The following HPCAL1 variants were observed in gnomAD, a reference collection of about 807,000 sequenced individuals.
The protein encoded by HPCAL1 is hippocalcin like 1, also known as hippocalcin-like protein 1.
A neutral mutation model predicts 17.1 loss-of-function variants in HPCAL1; 8 were observed. The observed-to-expected ratio is 0.47, with a 90% confidence interval of 0.27 to 0.84. HPCAL1 has a LOEUF of 0.84. HPCAL1 is among the 40% of genes least tolerant of loss of function. The probability of loss-of-function intolerance (pLI) is 0.13; values close to 1 mark genes in which losing one functional copy is unlikely to be tolerated. For synonymous variants in HPCAL1, 112 were observed against 111.4 expected, an observed-to-expected ratio of 1.01 and a Z score of -0.03; for missense variants, 165 against 271.1, an observed-to-expected ratio of 0.61 and a Z score of 2.75.
In HPCAL1 at chr2:10,384,595, G is replaced by A. The variant is rs1406952310; in HGVS notation, c.-110-12240G>A. Among the ~76,000 whole-genome samples, 2 of 131,808 alleles carry A rather than the reference G, an allele frequency of 1.5e-5. No homozygotes were observed. The highest frequency in any genetic ancestry group is 7.3e-5 in the Admixed American group (1 of 13,760). The allele number at this position is 131,808 out of a possible 152,430, so 86.5% of individuals were successfully genotyped here. A position where few individuals can be genotyped will look rare whatever the true frequency, so the allele number is the denominator to read the frequency against. Reference sequence around the variant, plus strand: ...TCGGTGGCAGAGTGGATGAAGGGGAGGTGCTCAGTGCTATGAAAGCCAGCA... The same window carrying A: ...TCGGTGGCAGAGTGGATGAAGGGGAAGTGCTCAGTGCTATGAAAGCCAGCA... On this transcript the variant is annotated intron_variant, in intron 1 of 4. Coordinates refer to ENST00000307845, the MANE Select transcript of HPCAL1 (RefSeq NM_002149.4). This position sits in a 1 kb window ranked among gnomAD's most constrained non-coding sequence, Gnocchi z 4.4.
chr2:10,397,046 C>G (rs1669092492), intron 2 of HPCAL1, 126 bp downstream of exon 2: 1 of 152,274 alleles, frequency 6.6e-6, no homozygotes, highest in Admixed American at 6.5e-5. Context: ...GCAGAAAGAG[C>G]AGGGAAGACT....
Position 10,360,140 on chromosome 2 carries a change from C to T in HPCAL1, c.-110-36695C>T, listed in dbSNP as rs565973153. Among the ~76,000 whole-genome samples, 9 of 152,234 alleles carry T rather than the reference C, an allele frequency of 5.9e-5. No individual in the cohort carries two copies. In the South Asian group the frequency reaches 1.0e-3, roughly 18 times the overall value. ...CTCATTCCCCCTGGGTAGAGCGTGT[C>T]GGGTGACTCTGCTGCGGTCTCCAGG... On this transcript the variant is annotated intron_variant, in intron 1 of 4. Transcript: ENST00000307845.
rs1323263549 is a variant in HPCAL1 at position 10,310,108 on chromosome 2, G to A, written c.-111+6931G>A. On this transcript the variant is annotated intron_variant, in intron 1 of 4. Coordinates refer to ENST00000307845, the MANE Select transcript of HPCAL1 (RefSeq NM_002149.4). This position sits in a 1 kb window ranked among gnomAD's most constrained non-coding sequence, Gnocchi z 4.5. Reference sequence around the variant, plus strand: ...CAGGTGCAGAAAGGGGTTTTAGGCTGAGCTCAGATATTGACAGGAACTACA... The same window carrying A: ...CAGGTGCAGAAAGGGGTTTTAGGCTAAGCTCAGATATTGACAGGAACTACA... Among the ~76,000 whole-genome samples the A allele has an allele frequency of 6.6e-6, 1 of 152,124 alleles. No individual in the cohort carries two copies. The highest frequency in any genetic ancestry group is 1.5e-5 in the Non-Finnish European group (1 of 68,018).
intron 1 of HPCAL1, among the ~76,000 whole-genome samples, chr2:10,319,121 C>G (rs535955191): frequency 6.6e-6 from 1 of 152,354 alleles, no homozygotes; most frequent in East Asian, 1.9e-4. Context: ...TTTCCAAATT[C>G]ACCTCCTGCT....
At chr2:10,423,269 G>C (rs1671184659) in intron 4 of HPCAL1, 181 bp downstream of exon 4, 13 of 616,962 alleles carry the variant, frequency 2.1e-5, no homozygotes, top group Non-Finnish European at 3.6e-5. Context: ...CACCCGTGCT[G>C]TATCCTGGCT....
In HPCAL1 at chr2:10,304,219, T is replaced by A. The variant is rs1662465981; in HGVS notation, c.-111+1042T>A. On this transcript the variant is annotated intron_variant, in intron 1 of 4. Transcript: ENST00000307845. The surrounding 1 kb of genome is among the most constrained non-coding windows in gnomAD (Gnocchi z 4.1). ...CCAGGCTCCCGCGCAAGCGTGGGGG[T>A]CCCTCTCCTGGCCGGGAGGCAGCGA... Among the ~76,000 whole-genome samples the A allele has an allele frequency of 6.6e-6, 1 of 151,198 alleles. No homozygotes were observed. The highest frequency in any genetic ancestry group is 1.5e-5 in the Non-Finnish European group (1 of 67,824).
At chr2:10,334,460 G>A (rs1664587781) in intron 1 of HPCAL1, among the ~76,000 whole-genome samples, 1 of 151,986 alleles carries the variant, frequency 6.6e-6, no homozygotes, top group African/African-American at 2.4e-5. Flanking sequence ...GTGAGCTGTG[G>A]TCACACCACT....
chr2:10,309,428 C>T (rs550886131), intron 1 of HPCAL1, among the ~76,000 whole-genome samples: 5 of 152,358 alleles, frequency 3.3e-5, no homozygotes, highest in East Asian at 3.9e-4. Flanking sequence ...AAGAATTAAA[C>T]GAGGTCACTT....
intron 2 of HPCAL1, among the ~76,000 whole-genome samples, chr2:10,417,004 G>A (rs549487502): frequency 6.6e-6 from 1 of 152,326 alleles, no homozygotes; most frequent in Non-Finnish European, 1.5e-5. Flanking sequence ...CTGGCCTCCT[G>A]TGGCTGCATA....
rs1258469260 is a variant in HPCAL1, at chr2:10,304,420, T to G, written c.-111+1243T>G. ...CCCTTTCCTCCTGGCTGACCCCAAT[T>G]CCACCAGAGGAGGATGTTTGCCAGG... On this transcript the variant is annotated intron_variant, in intron 1 of 4. Transcript: ENST00000307845. This position sits in a 1 kb window ranked among gnomAD's most constrained non-coding sequence, Gnocchi z 4.1. Among the ~76,000 whole-genome samples, 4 of 115,180 alleles carry G rather than the reference T, an allele frequency of 3.5e-5. No individual in the cohort carries two copies. Among genetic ancestry groups the G allele is most frequent in the Admixed American group, 9.1e-5 (1 of 11,040 alleles). The allele number at this position is 115,180 out of a possible 152,430, so 75.6% of individuals were successfully genotyped here. A position where few individuals can be genotyped will look rare whatever the true frequency, so the allele number is the denominator to read the frequency against.
chr2:10,317,419 T>G (rs1446860012), intron 1 of HPCAL1, among the ~76,000 whole-genome samples: 1 of 9,726 alleles, frequency 1.0e-4, no homozygotes, highest in Non-Finnish European at 2.2e-4. Flanking sequence ...ATTCAACAAT[T>G]TTTTTTTTTT....
rs1251593846 is a variant in HPCAL1 at position 10,344,060 on chromosome 2, A to G, written c.-111+40883A>G. The stretch of plus-strand genomic sequence containing the variant: ...TGGGTTACTGAGCTGTCGAAGGAGC[A>G]GGGATGAAGACTCCCTTATTAAAAA... On this transcript the variant is annotated intron_variant, in intron 1 of 4. Coordinates refer to ENST00000307845, the MANE Select transcript of HPCAL1 (RefSeq NM_002149.4). The surrounding 1 kb of genome is among the most constrained non-coding windows in gnomAD (Gnocchi z 4.9). Among the ~76,000 whole-genome samples the G allele has an allele frequency of 6.6e-6, 1 of 152,226 alleles. No homozygotes were observed. Among genetic ancestry groups the G allele is most frequent in the Non-Finnish European group, 1.5e-5 (1 of 68,046 alleles).
At position 10,371,040 on chromosome 2, in the gene HPCAL1, G is replaced by A. The variant is rs553668026; in HGVS notation, c.-110-25795G>A. ...CAGCAAACAGAGGAGGCACCTCCAG[G>A]CTGCAGGGTCCAGTGACCTGGCATG... On this transcript the variant is annotated intron_variant, in intron 1 of 4. Transcript: ENST00000307845. Among the ~76,000 whole-genome samples, 64 of 152,316 alleles carry A rather than the reference G, an allele frequency of 4.2e-4. 1 individual carries two copies. Among genetic ancestry groups the A allele is most frequent in the South Asian group, 2.9e-3 (14 of 4,832 alleles).
intron 1 of HPCAL1, among the ~76,000 whole-genome samples, chr2:10,393,345 A>G (rs1388852227): frequency 1.3e-5 from 2 of 152,188 alleles, no homozygotes; most frequent in Non-Finnish European, 2.9e-5. Context: ...CTGAGCGCCA[A>G]TTCCTTCAAG....
chr2:10,322,878 T>C (rs1226250744), intron 1 of HPCAL1, among the ~76,000 whole-genome samples: 1 of 152,244 alleles, frequency 6.6e-6, no homozygotes, highest in Non-Finnish European at 1.5e-5. Flanking sequence ...TCACGTTTTA[T>C]GTTGTTTGCA....
Position 10,395,697 on chromosome 2 carries a change from T to A in HPCAL1, c.-110-1138T>A, listed in dbSNP as rs1294176567. ...GTAGATGCGGAAGAGAAACGGGCCG[T>A]CAGGTGAAGTGACTGTCAGGATTCC... On this transcript the variant is annotated intron_variant, in intron 1 of 4. Coordinates refer to ENST00000307845, the MANE Select transcript of HPCAL1 (RefSeq NM_002149.4). The surrounding 1 kb of genome is among the most constrained non-coding windows in gnomAD (Gnocchi z 4.4). Among the ~76,000 whole-genome samples, 1 of 152,052 alleles carries A rather than the reference T, an allele frequency of 6.6e-6. No homozygotes were observed. Among genetic ancestry groups the A allele is most frequent in the Non-Finnish European group, 1.5e-5 (1 of 67,992 alleles).
chr2:10,322,294 A>G (rs1663716642), intron 1 of HPCAL1, among the ~76,000 whole-genome samples: 1 of 152,140 alleles, frequency 6.6e-6, no homozygotes, highest in Admixed American at 6.5e-5. Flanking sequence ...AAGTGCTGGG[A>G]TTAGAGGCAT....
Position 10,394,648 on chromosome 2 carries a change from T to C in HPCAL1, c.-110-2187T>C, listed in dbSNP as rs1005086264. 2.0e-5 allele frequency among the ~76,000 whole-genome samples: 3 copies of C among 152,156 alleles called. No homozygotes were observed. The highest frequency in any genetic ancestry group is 4.8e-5 in the African/African-American group (2 of 41,440). ...GAGCTGCGGACCTGGGGGGTGATGATGGTCAGTGCAGGTCCCTCAGTTGTA... is the reference window on the plus strand; with the variant it reads ...GAGCTGCGGACCTGGGGGGTGATGACGGTCAGTGCAGGTCCCTCAGTTGTA... On this transcript the variant is annotated intron_variant, in intron 1 of 4. Transcript: ENST00000307845. The surrounding 1 kb of genome is among the most constrained non-coding windows in gnomAD (Gnocchi z 5.0).
chr2:10,340,609 G>A (rs916209366), intron 1 of HPCAL1, among the ~76,000 whole-genome samples: 5 of 152,216 alleles, frequency 3.3e-5, no homozygotes, highest in Non-Finnish European at 5.9e-5. Flanking sequence ...CCAGGGCCAC[G>A]CAGTCTGTAA....
Sources: gnomAD v4.1 joint callset for allele counts (sites outside exome capture counted in the v4.1 genomes callset) on GRCh38, gnomAD v4.1.1 for gene constraint, Gnocchi (gnomAD v3.1) non-coding constraint, MANE v1.5 for transcripts, NCBI Gene and HGNC (gene_info 2026-07-23, HGNC 2026-07-21) for gene names.